The following AMZ1 variants were observed in gnomAD, a reference collection of about 807,000 sequenced individuals.
AMZ1 encodes the protein archaemetzincin-1.
In AMZ1, 39 loss-of-function variants were observed where a neutral mutation model predicts 29.9. The observed-to-expected ratio is 1.30, with a 90% CI of 1.01 to 1.70. AMZ1 has a LOEUF of 1.70. Ranked by LOEUF, AMZ1 falls within the 40% of genes most tolerant of loss-of-function variation. The pLI is 0.00. For synonymous variants in AMZ1, 458 were observed against 304.0 expected, an observed-to-expected ratio of 1.51 and a Z score of -5.27; for missense variants, 1,041 against 680.6, an observed-to-expected ratio of 1.53 and a Z score of -5.89.
At chr7:2,694,715 C>G (rs897000179) in intron 1 of AMZ1, among the ~76,000 whole-genome samples, 2 of 151,540 alleles carry the variant, frequency 1.3e-5, no homozygotes, top group African/African-American at 4.9e-5. Context: ...CTCTGTCACT[C>G]AGGCTGGAGT....
chr7:2,709,930 C>T lies in AMZ1; in HGVS notation c.948+114C>T, dbSNP rs199593674. The stretch of plus-strand genomic sequence containing the variant: ...ACCGCACACAGGCTTTGTCAACTGC[C>T]GGGTTCCAGGCAGTGCAGAGCCCTG... On this transcript the variant is annotated intron_variant, in intron 6 of 6. Transcript: ENST00000683327. The T allele has an allele frequency of 1.2e-4, 178 of 1,444,184 alleles. No homozygotes were observed. The East Asian group carries it at 2.3e-3, about 19-fold the overall frequency. The allele number at this position is 1,444,184 out of a possible 1,614,324, so 89.5% of individuals were successfully genotyped here.
downstream of AMZ1, among the ~76,000 whole-genome samples, chr7:2,720,260 T>C (rs891760383): frequency 9.2e-5 from 14 of 152,228 alleles, no homozygotes; most frequent in African/African-American, 3.4e-4. Flanking sequence ...TGGAGGCTTT[T>C]AAAACACCTG....
At chr7:2,701,599 C>T (rs936385766) in intron 2 of AMZ1, among the ~76,000 whole-genome samples, 1 of 152,202 alleles carries the variant, frequency 6.6e-6, no homozygotes, top group African/African-American at 2.4e-5. Context: ...AGGGCCAGCT[C>T]TGTGCCTCTC....
At chr7:2,757,743 A>T (rs560394186) in intron 4 of AMZ1, among the ~76,000 whole-genome samples, 9 of 152,234 alleles carry the variant, frequency 5.9e-5, no homozygotes, top group Non-Finnish European at 1.3e-4. Flanking sequence ...CATGAAGCAT[A>T]AAGGAAAATG....
downstream of AMZ1, among the ~76,000 whole-genome samples, chr7:2,720,370 T>C (rs1789367309): frequency 6.6e-6 from 1 of 152,202 alleles, no homozygotes; most frequent in Non-Finnish European, 1.5e-5. Context: ...AGAGAAAGAC[T>C]AGTGTGTGTT....
chr7:2,752,790 G>C (rs778305668), intron 4 of AMZ1, among the ~76,000 whole-genome samples: 4 of 152,170 alleles, frequency 2.6e-5, no homozygotes, highest in Non-Finnish European at 5.9e-5. Context: ...AGATTGCCTA[G>C]AGAGGTATAG....
rs1230173734 is a variant in AMZ1, at chr7:2,719,329, ACCC to A, written c.*6454_*6456del. On this transcript the variant is annotated 3_prime_UTR_variant, in exon 7 of 7. Transcript: ENST00000683327. ...TGGCATAACCTGATGTCTGTCACGG[ACCC>A]CCAAGCAGGAGCAATGCCTAAAGAG... 6.6e-6 allele frequency among the ~76,000 whole-genome samples: 1 copy of A among 152,048 alleles called. No individual in the cohort carries two copies.
intron 3 of AMZ1, among the ~76,000 whole-genome samples, chr7:2,703,596 T>C (rs1456782129): frequency 1.3e-5 from 2 of 151,832 alleles, no homozygotes; most frequent in Admixed American, 1.3e-4. Flanking sequence ...GAGGCAGAGG[T>C]GAAGTGAGGG....
At chr7:2,708,790 A>C in intron 4 of AMZ1, 74 bp downstream of exon 4, 1 of 1,600,988 alleles carries the variant, frequency 6.2e-7, no homozygotes, top group Non-Finnish European at 8.5e-7. Flanking sequence ...GCTGCAGGGC[A>C]CCCTCTTTGC....
At chr7:2,744,851 C>G (rs982949894) in intron 4 of AMZ1, among the ~76,000 whole-genome samples, 14 of 152,108 alleles carry the variant, frequency 9.2e-5, no homozygotes, top group African/African-American at 3.4e-4. Context: ...AAAACCAAGG[C>G]ATGAGAACTA....
chr7:2,731,229 C>T lies in AMZ1; in HGVS notation n.550+21413C>T, dbSNP rs756698258. The T allele has an allele frequency of 1.2e-6, 2 of 1,613,456 alleles. No homozygotes were observed. Among genetic ancestry groups the T allele is most frequent in the African/African-American group, 1.3e-5 (1 of 74,938 alleles). On this transcript the variant is annotated intron_variant and non_coding_transcript_variant, in intron 4 of 4. Coordinates refer to the AMZ1 transcript ENST00000489665. This position sits in a 1 kb window ranked among gnomAD's most constrained non-coding sequence, Gnocchi z 6.0. ...GGTTCTCCTGCAGGATGGTGTCTTT[C>T]ACAGCATGGAACACGAAGCGGACGT...
chr7:2,763,919 G>C (rs552869570), upstream of AMZ1, among the ~76,000 whole-genome samples: 1 of 152,304 alleles, frequency 6.6e-6, no homozygotes, highest in East Asian at 1.9e-4. Flanking sequence ...TTAGAGTCTT[G>C]GTTAAAGTGA....
upstream of AMZ1, among the ~76,000 whole-genome samples, chr7:2,684,138 A>G (rs1260510502): frequency 6.6e-6 from 1 of 152,004 alleles, no homozygotes; most frequent in Non-Finnish European, 1.5e-5. Context: ...AGATCACGCC[A>G]CTGCACTCCA....
chr7:2,743,276 A>G (rs1790600260), intron 4 of AMZ1, among the ~76,000 whole-genome samples: 1 of 152,216 alleles, frequency 6.6e-6, no homozygotes, highest in Admixed American at 6.5e-5. Flanking sequence ...TCACCAAGTT[A>G]AATGTCTGCT....
chr7:2,759,189 A>T (rs939631045), intron 4 of AMZ1, among the ~76,000 whole-genome samples: 1 of 149,868 alleles, frequency 6.7e-6, no homozygotes, highest in African/African-American at 2.4e-5. Context: ...ATAAATAAAT[A>T]AAATAAAAAT....
At chr7:2,686,188 G>T (rs1787071391), upstream of AMZ1, among the ~76,000 whole-genome samples, 1 of 152,244 alleles carries the variant, frequency 6.6e-6, no homozygotes, top group South Asian at 2.1e-4. Flanking sequence ...ATTGATGAGT[G>T]TGAAGTCACG....
chr7:2,744,997 C>T (rs549901220), intron 4 of AMZ1, among the ~76,000 whole-genome samples: 16 of 152,288 alleles, frequency 1.1e-4, no homozygotes, highest in African/African-American at 3.9e-4. Flanking sequence ...CGAACAAGGC[C>T]TCCAAGAAAT....
chr7:2,756,926 T>C (rs1281262403), intron 4 of AMZ1, among the ~76,000 whole-genome samples: 2 of 151,936 alleles, frequency 1.3e-5, no homozygotes, highest in Non-Finnish European at 2.9e-5. Context: ...ATTTAAAAAG[T>C]AGCCGGGTGT....
At chr7:2,741,970 T>C (rs771252492) in intron 4 of AMZ1, among the ~76,000 whole-genome samples, 1 of 151,952 alleles carries the variant, frequency 6.6e-6, no homozygotes, top group Non-Finnish European at 1.5e-5. Flanking sequence ...ATTACTTACA[T>C]GTAGTTATCA....
Sources: gnomAD v4.1 joint callset for allele counts (sites outside exome capture counted in the v4.1 genomes callset) on GRCh38, gnomAD v4.1.1 for gene constraint, Gnocchi (gnomAD v3.1) non-coding constraint, MANE v1.5 for transcripts, NCBI Gene and HGNC (gene_info 2026-07-23, HGNC 2026-07-21) for gene names.